CHD7: variants seen among roughly 807,000 people sequenced by gnomAD.
CHD7 encodes chromodomain helicase DNA binding protein 7.
A neutral mutation model predicts 307.3 loss-of-function variants in CHD7; 24 were observed. That is an observed-to-expected ratio of 0.08 (90% CI 0.06 to 0.11). The LOEUF (loss-of-function observed/expected upper bound fraction) is 0.11. CHD7 is among the 10% of genes least tolerant of loss of function. The pLI is 1.00. For synonymous variants in CHD7, 1,363 were observed against 1,349.9 expected (o/e 1.01, Z -0.21); for missense variants, 3,106 against 3,727.1 (o/e 0.83, Z 4.34).
chr8:60,731,799 G>C (rs1808469228), intron 1 of CHD7, among the ~76,000 whole-genome samples: 1 of 152,184 alleles, frequency 6.6e-6, no homozygotes, highest in Non-Finnish European at 1.5e-5. Context: ...CTCTTCCAAA[G>C]ATCTCAACCT....
Position 60,823,944 on chromosome 8 carries a change from A to G in CHD7, c.3306A>G (p.Val1102=). ...PELRNIPWRC[V]VIDEAHRLKN... ...TGCGGAATATTCCATGGCGCTGTGT[A>G]GTCATTGATGAAGCCCACAGGCTGA... The change falls in exon 13 of 38, where the codon GTA becomes GTG. Residue 1102 remains valine, a synonymous_variant. Coordinates refer to ENST00000423902, the MANE Select transcript of CHD7 (RefSeq NM_017780.4). 1 of 1,613,828 alleles carries G rather than the reference A, an allele frequency of 6.2e-7. No individual in the cohort carries two copies. The highest frequency in any genetic ancestry group is 8.5e-7 in the Non-Finnish European group (1 of 1,179,764).
chr8:60,696,916 G>A (rs1285203540), intron 1 of CHD7, among the ~76,000 whole-genome samples: 1 of 150,988 alleles, frequency 6.6e-6, no homozygotes, highest in Non-Finnish European at 1.5e-5. Flanking sequence ...TTGTTTTACA[G>A]TAAGTTACGT....
At chr8:60,724,723 T>G (rs560671476) in intron 1 of CHD7, among the ~76,000 whole-genome samples, 1 of 152,282 alleles carries the variant, frequency 6.6e-6, no homozygotes, top group Non-Finnish European at 1.5e-5. Flanking sequence ...TGTTCTAAAG[T>G]GTTGGAGAGA....
chr8:60,825,898 T>C (rs183914096), intron 13 of CHD7, among the ~76,000 whole-genome samples: 58 of 152,296 alleles, frequency 3.8e-4, no homozygotes, highest in Admixed American at 3.5e-3. Flanking sequence ...TGCAGGTTTG[T>C]TACATAGGTA....
chr8:60,811,654 A>C (rs1232523075), intron 7 of CHD7, among the ~76,000 whole-genome samples: 1 of 152,194 alleles, frequency 6.6e-6, no homozygotes, highest in African/African-American at 2.4e-5. Context: ...ACATATCTAT[A>C]TATTTTCAAA....
intron 2 of CHD7, among the ~76,000 whole-genome samples, chr8:60,778,393 T>C (rs1811052846): frequency 6.6e-6 from 1 of 152,258 alleles, no homozygotes; most frequent in Non-Finnish European, 1.5e-5. Context: ...TATGCAAGAT[T>C]AAATTTTTTA....
chr8:60,721,975 G>A (rs11989002), intron 1 of CHD7, among the ~76,000 whole-genome samples: 20,932 of 152,148 alleles, frequency 0.14, 1,983 homozygotes, highest in African/African-American at 0.26. Flanking sequence ...GGTTGGGGTC[G>A]GGGATGTTGC....
At chr8:60,706,286 G>C (rs1208605602) in intron 1 of CHD7, among the ~76,000 whole-genome samples, 1 of 152,154 alleles carries the variant, frequency 6.6e-6, no homozygotes, top group African/African-American at 2.4e-5. Flanking sequence ...AATTGCTTAA[G>C]TTGATAATGT....
chr8:60,835,005 C>T (rs2150773538), intron 15 of CHD7, among the ~76,000 whole-genome samples: 1 of 152,276 alleles, frequency 6.6e-6, no homozygotes, highest in East Asian at 1.9e-4. Flanking sequence ...GTTTCTGGCA[C>T]AGTTAAAGTC....
intron 6 of CHD7, among the ~76,000 whole-genome samples, chr8:60,803,619 T>G (rs1220175356): frequency 1.3e-5 from 2 of 152,176 alleles, no homozygotes; most frequent in Non-Finnish European, 2.9e-5. Context: ...CTTTGAGGTA[T>G]GATTTAAAAT....
intron 3 of CHD7, 130 bp from the exon 4 acceptor site, chr8:60,794,856 A>G (rs984685394): frequency 2.5e-6 from 2 of 787,150 alleles, no homozygotes; most frequent in Non-Finnish European, 3.8e-6. Flanking sequence ...GTTGCATTTA[A>G]CTGTAAATAG....
chr8:60,772,342 A>G (rs1231210521), intron 2 of CHD7, among the ~76,000 whole-genome samples: 1 of 152,226 alleles, frequency 6.6e-6, no homozygotes, highest in Non-Finnish European at 1.5e-5. Flanking sequence ...TAAAATTCTT[A>G]GGAACAGCAT....
At chr8:60,721,088 T>C (rs1017075571) in intron 1 of CHD7, among the ~76,000 whole-genome samples, 6 of 152,204 alleles carry the variant, frequency 3.9e-5, no homozygotes, top group Non-Finnish European at 7.3e-5. Flanking sequence ...GCATGGAGCC[T>C]GGGCATTTTC....
intron 13 of CHD7, chr8:60,824,848 G>A (rs967979953): frequency 2.0e-5 from 3 of 152,058 alleles, no homozygotes; most frequent in African/African-American, 7.2e-5. Flanking sequence ...CGTAGGAGTA[G>A]AAGGATTTGA....
At chr8:60,849,595 T>TC (rs1805361141) in intron 25 of CHD7, among the ~76,000 whole-genome samples, 1 of 152,158 alleles carries the variant, frequency 6.6e-6, no homozygotes, top group Admixed American at 6.5e-5. Context: ...AACTCGCGGC[T>TC]CCCCTGAGTG....
intron 2 of CHD7, among the ~76,000 whole-genome samples, chr8:60,765,760 A>G (rs138749295): frequency 5.2e-4 from 79 of 152,346 alleles, no homozygotes; most frequent in Middle Eastern, 3.4e-3. Flanking sequence ...AGTGTGGTTC[A>G]CAGGGAATCA....
intron 1 of CHD7, among the ~76,000 whole-genome samples, chr8:60,723,906 T>A (rs1808041519): frequency 6.6e-6 from 1 of 152,214 alleles, no homozygotes; most frequent in Non-Finnish European, 1.5e-5. Context: ...CAATTTAGGA[T>A]ATTTATCACA....
chr8:60,852,786 C>T (rs754096525), intron 30 of CHD7, 43 bp from the exon 31 acceptor site: 2 of 1,608,350 alleles, frequency 1.2e-6, no homozygotes, highest in Non-Finnish European at 1.7e-6. Context: ...GTAGAATGCC[C>T]TTGAATTCTC....
chr8:60,697,591 A>G (rs1488523319), intron 1 of CHD7, among the ~76,000 whole-genome samples: 1 of 152,208 alleles, frequency 6.6e-6, no homozygotes, highest in Non-Finnish European at 1.5e-5. Context: ...TAAATTTAAG[A>G]TGGTGTCAGT....
Sources: gnomAD v4.1 joint callset for allele counts (sites outside exome capture counted in the v4.1 genomes callset) on GRCh38, gnomAD v4.1.1 for gene constraint, MANE v1.5 for transcripts, NCBI Gene and HGNC (gene_info 2026-07-23, HGNC 2026-07-21) for gene names.